The following HMGA2 variants were observed in gnomAD, a reference collection of about 807,000 sequenced individuals.
HMGA2 encodes the protein high mobility group AT-hook 2.
A neutral mutation model predicts 19.1 loss-of-function variants in HMGA2; 8 were observed. That is an observed-to-expected ratio of 0.42 (90% CI 0.25 to 0.76). HMGA2 has a LOEUF of 0.76. Ranked by LOEUF, HMGA2 falls within the 30% of genes least tolerant of loss-of-function variation. The pLI, the probability that HMGA2 is intolerant of heterozygous loss-of-function variation, is 0.28. For synonymous variants in HMGA2, 60 were observed against 48.8 expected (o/e 1.23, Z -0.96); for missense variants, 109 against 136.3 (o/e 0.80, Z 1.00).
At chr12:65,845,433 T>A (rs967915821) in intron 3 of HMGA2, among the ~76,000 whole-genome samples, 2 of 152,108 alleles carry the variant, frequency 1.3e-5, no homozygotes, top group Non-Finnish European at 2.9e-5. Context: ...CATGCCTGGC[T>A]AATTTTTGTT....
chr12:65,906,223 C>T (rs1207917973), intron 3 of HMGA2, among the ~76,000 whole-genome samples: 2 of 152,164 alleles, frequency 1.3e-5, no homozygotes, highest in Non-Finnish European at 2.9e-5. Flanking sequence ...CAGCTAAACT[C>T]ATGTCGGGAA....
At chr12:65,842,042 T>C in intron 3 of HMGA2, 1 of 1,246,744 alleles carries the variant, frequency 8.0e-7, no homozygotes, top group Non-Finnish European at 1.0e-6. Flanking sequence ...ATCTATTGTT[T>C]TTATGAGGTG....
rs1876832422 is a variant in HMGA2 at position 65,964,027 on chromosome 12, T to C, written c.*735T>C. On this transcript the variant is annotated 3_prime_UTR_variant, in exon 5 of 5. Coordinates refer to ENST00000403681, the MANE Select transcript of HMGA2 (RefSeq NM_003483.6). ...ATATCACACATATCAGCAGGAGTAA[T>C]AAATTTACTCACAGCACTTGTTTTC... The C allele has an allele frequency of 4.8e-6, 1 of 208,094 alleles. No individual in the cohort carries two copies. The highest frequency in any genetic ancestry group is 9.8e-6 in the Non-Finnish European group (1 of 102,194). The allele number at this position is 208,094 out of a possible 1,614,324, so 12.9% of individuals were successfully genotyped here. A position where few individuals can be genotyped will look rare whatever the true frequency, so the allele number is the denominator to read the frequency against.
At chr12:65,934,902 A>G (rs1875840286) in intron 3 of HMGA2, 1 of 152,242 alleles carries the variant, frequency 6.6e-6, no homozygotes, top group African/African-American at 2.4e-5. Flanking sequence ...AGGGATCTTA[A>G]GAGCAAGAGA....
intron 3 of HMGA2, chr12:65,866,671 A>G: frequency 2.7e-6 from 1 of 373,872 alleles, no homozygotes; most frequent in East Asian, 7.2e-5. Flanking sequence ...TCAAAGTGAA[A>G]TAAACATTAC....
chr12:65,843,664 T>TGACA, intron 3 of HMGA2: 1 of 135,538 alleles, frequency 7.4e-6, no homozygotes, highest in Non-Finnish European at 1.4e-5. Flanking sequence ...GGTTTGCTAC[T>TGACA]TACACACACA....
chr12:65,946,151 C>T (rs1271610051), intron 3 of HMGA2, among the ~76,000 whole-genome samples: 2 of 152,098 alleles, frequency 1.3e-5, no homozygotes, highest in African/African-American at 4.8e-5. Flanking sequence ...TTTTTACATT[C>T]TTTATTAGTA....
chr12:65,832,346 T>G (rs992699529), intron 2 of HMGA2, among the ~76,000 whole-genome samples: 2 of 151,980 alleles, frequency 1.3e-5, no homozygotes, highest in Non-Finnish European at 2.9e-5. Flanking sequence ...TAGTTCTACT[T>G]CTCTGGAAGC....
At chr12:65,908,969 C>T (rs1441694401) in intron 3 of HMGA2, among the ~76,000 whole-genome samples, 1 of 152,190 alleles carries the variant, frequency 6.6e-6, no homozygotes, top group Non-Finnish European at 1.5e-5. Flanking sequence ...CATCCGCTGG[C>T]AGAAGATTTG....
At chr12:65,884,619 C>A (rs1284287258) in intron 3 of HMGA2, among the ~76,000 whole-genome samples, 1 of 152,022 alleles carries the variant, frequency 6.6e-6, no homozygotes, top group African/African-American at 2.4e-5. Context: ...GGTAAAAAGT[C>A]CAAATAGCAT....
chr12:65,948,492 A>T (rs1876343192), intron 3 of HMGA2: 1 of 152,204 alleles, frequency 6.6e-6, no homozygotes, highest in African/African-American at 2.4e-5. Context: ...TTCCCTTTTT[A>T]TGAATGGTGG....
At chr12:65,850,684 T>A (rs1269938449) in intron 3 of HMGA2, among the ~76,000 whole-genome samples, 1 of 152,212 alleles carries the variant, frequency 6.6e-6, no homozygotes, top group Admixed American at 6.5e-5. Context: ...CCAATTTGTA[T>A]GAAAATTTGG....
chr12:65,878,788 A>G (rs140435502), intron 3 of HMGA2, among the ~76,000 whole-genome samples: 11 of 152,322 alleles, frequency 7.2e-5, no homozygotes, highest in Non-Finnish European at 1.6e-4. Flanking sequence ...TGCAGGTGAG[A>G]TGGCTCAGCT....
chr12:65,825,156 G>A lies in HMGA2; in HGVS notation c.-115G>A. On this transcript the variant is annotated 5_prime_UTR_variant, in exon 1 of 5. Transcript: ENST00000403681. This position sits in a 1 kb window ranked among gnomAD's most constrained non-coding sequence, Gnocchi z 4.4. ...CAGCCCTCGCAGCCCGCCAGCTCGC[G>A]CTCGCCCCGCCGGCGTCCCCAGCCC... The A allele has an allele frequency of 1.2e-6, 1 of 854,078 alleles. No homozygotes were observed. Among genetic ancestry groups the A allele is most frequent in the Admixed American group, 3.1e-5 (1 of 32,062 alleles). The allele number at this position is 854,078 out of a possible 1,614,324, so 52.9% of individuals were successfully genotyped here.
chr12:65,958,294 G>T (rs574985923), intron 4 of HMGA2: 8 of 152,312 alleles, frequency 5.3e-5, no homozygotes, highest in African/African-American at 1.9e-4. Flanking sequence ...TACAATTGCT[G>T]TCAATATCTC....
intron 4 of HMGA2, among the ~76,000 whole-genome samples, chr12:65,962,773 G>A (rs1876786796): frequency 6.6e-6 from 1 of 152,136 alleles, no homozygotes; most frequent in Non-Finnish European, 1.5e-5. Flanking sequence ...TAAGCATCTG[G>A]TAAGCACTCT....
At chr12:65,962,499 G>A (rs565288780) in intron 4 of HMGA2, among the ~76,000 whole-genome samples, 2 of 152,322 alleles carry the variant, frequency 1.3e-5, no homozygotes, top group Admixed American at 1.3e-4. Context: ...AGATTGAGCA[G>A]TTAACGCCGA....
chr12:65,833,754 TC>T (rs749391767), intron 2 of HMGA2, among the ~76,000 whole-genome samples: 1 of 152,152 alleles, frequency 6.6e-6, no homozygotes, highest in Non-Finnish European at 1.5e-5. Context: ...TCAGATTGGG[TC>T]TCAGTTCTAC....
chr12:65,857,145 C>T (rs1302838531), intron 3 of HMGA2: 1 of 152,174 alleles, frequency 6.6e-6, no homozygotes, highest in Non-Finnish European at 1.5e-5. Flanking sequence ...GTTACAATAA[C>T]ACATTCAAAA....
Sources: gnomAD v4.1 joint callset for allele counts (sites outside exome capture counted in the v4.1 genomes callset) on GRCh38, gnomAD v4.1.1 for gene constraint, Gnocchi (gnomAD v3.1) non-coding constraint, MANE v1.5 for transcripts, NCBI Gene and HGNC (gene_info 2026-07-23, HGNC 2026-07-21) for gene names.